Variants in TBC1D5 observed in about 807,000 individuals in gnomAD.
TBC1D5 encodes the protein TBC1 domain family member 5, also known as TBC1 domain family, member 5.
Under a neutral mutation model 100.3 loss-of-function variants are expected in TBC1D5, and 75 were observed. That is an observed-to-expected ratio of 0.75 (90% CI 0.62 to 0.91). The LOEUF (loss-of-function observed/expected upper bound fraction) is 0.91. TBC1D5 is among the 40% of genes least tolerant of loss of function. The pLI, the probability that TBC1D5 is intolerant of heterozygous loss-of-function variation, is 0.00. For synonymous variants in TBC1D5, 323 were observed against 325.6 expected (o/e 0.99, Z 0.09); for missense variants, 910 against 942.4 (o/e 0.97, Z 0.45).
At chr3:17,671,039 T>C (rs900691632) in intron 1 of TBC1D5, among the ~76,000 whole-genome samples, 1 of 152,238 alleles carries the variant, frequency 6.6e-6, no homozygotes, top group Non-Finnish European at 1.5e-5. Flanking sequence ...GCTTTTCAGC[T>C]TCCTTAGGGC....
At chr3:17,633,930 G>A (rs1230852527) in intron 1 of TBC1D5, among the ~76,000 whole-genome samples, 3 of 152,020 alleles carry the variant, frequency 2.0e-5, no homozygotes, top group Non-Finnish European at 2.9e-5. Flanking sequence ...TCCCAAAGCA[G>A]TTTAATATTT....
chr3:17,498,803 T>C (rs2150743230), intron 3 of TBC1D5, among the ~76,000 whole-genome samples: 1 of 152,232 alleles, frequency 6.6e-6, no homozygotes, highest in African/African-American at 2.4e-5. Flanking sequence ...TATCTACATG[T>C]AGTGTTAGTA....
chr3:17,255,934 G>A (rs2077616994), intron 16 of TBC1D5, among the ~76,000 whole-genome samples: 1 of 152,158 alleles, frequency 6.6e-6, no homozygotes, highest in Non-Finnish European at 1.5e-5. Context: ...TACTTGGGAG[G>A]CTGAGGCAGG....
At chr3:17,370,179 A>T (rs1215128825) in intron 13 of TBC1D5, among the ~76,000 whole-genome samples, 2 of 152,172 alleles carry the variant, frequency 1.3e-5, no homozygotes, top group African/African-American at 2.4e-5. Flanking sequence ...AAATTATTGC[A>T]CCCAAGCCCA....
intron 2 of TBC1D5, among the ~76,000 whole-genome samples, chr3:17,555,958 T>G (rs1159117795): frequency 1.3e-5 from 2 of 152,164 alleles, no homozygotes; most frequent in East Asian, 3.9e-4. Flanking sequence ...TCCATTCAGT[T>G]GATTGGGGGC....
chr3:17,412,574 T>C (rs1031375281), intron 4 of TBC1D5, among the ~76,000 whole-genome samples: 1 of 151,842 alleles, frequency 6.6e-6, no homozygotes. Context: ...CAGTTTAATT[T>C]AAAAAAAAGT....
At chr3:17,426,608 A>C (rs979958067) in intron 4 of TBC1D5, among the ~76,000 whole-genome samples, 8 of 152,200 alleles carry the variant, frequency 5.3e-5, no homozygotes, top group Non-Finnish European at 1.0e-4. Context: ...ACAGGCATTG[A>C]TTAAAAATAT....
In TBC1D5 at chr3:17,418,622, A is replaced by G. The variant is rs2094139773; in HGVS notation, c.167+9828T>C. ...CTAATAAAAAAAAAAAAACTATGAT[A>G]TACTGAATTTTTAAACTTTAGTACT... is the stretch of plus-strand genomic sequence containing the variant. On this transcript the variant is annotated intron_variant, in intron 4 of 21. Coordinates refer to ENST00000253692, the Ensembl canonical transcript of TBC1D5. 2.0e-5 allele frequency among the ~76,000 whole-genome samples: 3 copies of G among 152,142 alleles called. No individual in the cohort carries two copies. In the South Asian group the frequency reaches 6.2e-4, roughly 32 times the overall value.
chr3:17,326,729 C>T (rs1050036317), intron 13 of TBC1D5, among the ~76,000 whole-genome samples: 4 of 152,204 alleles, frequency 2.6e-5, no homozygotes, highest in African/African-American at 7.2e-5. Flanking sequence ...CCACCTTGGC[C>T]TCCTAAAGTC....
chr3:17,651,530 GA>G (rs1208772613), intron 1 of TBC1D5, among the ~76,000 whole-genome samples: 1 of 152,102 alleles, frequency 6.6e-6, no homozygotes, highest in Non-Finnish European at 1.5e-5. Flanking sequence ...CCAACATGGT[GA>G]AACACCGTCT....
At chr3:17,285,321 C>A (rs919985976) in intron 15 of TBC1D5, among the ~76,000 whole-genome samples, 2 of 132,374 alleles carry the variant, frequency 1.5e-5, no homozygotes, top group South Asian at 5.1e-4. Context: ...AGTGCAGTGG[C>A]GCGATCTCGG....
intron 19 of TBC1D5, among the ~76,000 whole-genome samples, chr3:17,177,876 T>C (rs1471844701): frequency 6.6e-6 from 1 of 152,186 alleles, no homozygotes; most frequent in Non-Finnish European, 1.5e-5. Flanking sequence ...CTCAAGCATT[T>C]ATTCTTTGTG....
intron 3 of TBC1D5, among the ~76,000 whole-genome samples, chr3:17,429,682 T>C (rs2094412581): frequency 6.6e-6 from 1 of 151,934 alleles, no homozygotes; most frequent in African/African-American, 2.4e-5. Context: ...TAAGGTACTA[T>C]ACTTATATAA....
At chr3:17,407,725 AC>A (rs2093810855) in intron 4 of TBC1D5, among the ~76,000 whole-genome samples, 1 of 152,164 alleles carries the variant, frequency 6.6e-6, no homozygotes, top group Non-Finnish European at 1.5e-5. Flanking sequence ...CCGTACTGCC[AC>A]CAGCAGAACT....
At chr3:17,260,584 A>G (rs1255804974) in intron 15 of TBC1D5, among the ~76,000 whole-genome samples, 2 of 152,242 alleles carry the variant, frequency 1.3e-5, no homozygotes, top group Admixed American at 1.3e-4. Context: ...TGATGTTGAA[A>G]AACAGCATTT....
exon 4 of TBC1D5, chr3:17,428,459 T>C (rs780362656): frequency 4.5e-5 from 65 of 1,428,766 alleles, no homozygotes; most frequent in Admixed American, 1.4e-4. Flanking sequence ...CCTATAGGAA[T>C]TAAAAGTCCC....
chr3:17,648,463 C>G (rs1187226884), intron 1 of TBC1D5, among the ~76,000 whole-genome samples: 1 of 152,048 alleles, frequency 6.6e-6, no homozygotes, highest in Non-Finnish European at 1.5e-5. Flanking sequence ...GTAACAAAAG[C>G]AAAAATTGAC....
intron 17 of TBC1D5, among the ~76,000 whole-genome samples, chr3:17,228,493 G>A (rs1197957461): frequency 6.6e-6 from 1 of 152,114 alleles, no homozygotes. Context: ...CTCTTGATAG[G>A]ATCATTGAAA....
chr3:17,233,612 G>A (rs1412102295), intron 17 of TBC1D5, 73 bp downstream of exon 18: 2 of 856,624 alleles, frequency 2.3e-6, no homozygotes, highest in Admixed American at 3.2e-5. Flanking sequence ...AAAGAAAAAT[G>A]GAGTTTTGGA....
Sources: gnomAD v4.1 joint callset for allele counts (sites outside exome capture counted in the v4.1 genomes callset) on GRCh38, gnomAD v4.1.1 for gene constraint, MANE v1.5 for transcripts, NCBI Gene and HGNC (gene_info 2026-07-23, HGNC 2026-07-21) for gene names.